The following C1QTNF3 variants were observed in gnomAD, a reference collection of about 807,000 sequenced individuals.
The protein encoded by C1QTNF3 is complement C1q tumor necrosis factor-related protein 3.
Under a neutral mutation model 32.6 loss-of-function variants are expected in C1QTNF3, and 26 were observed. That is an observed-to-expected ratio of 0.80 (90% CI 0.58 to 1.11). C1QTNF3 has a LOEUF of 1.11. C1QTNF3 is among the 50% of genes least tolerant of loss of function. The pLI, the probability that C1QTNF3 is intolerant of heterozygous loss-of-function variation, is 0.00. For synonymous variants in C1QTNF3, 155 were observed against 146.0 expected, an observed-to-expected ratio of 1.06 and a Z score of -0.44; for missense variants, 362 against 398.2, an observed-to-expected ratio of 0.91 and a Z score of 0.77.
the C1QTNF3 span, among the ~76,000 whole-genome samples, chr5:34,079,362 T>C: frequency 6.6e-6 from 1 of 151,608 alleles, no homozygotes; most frequent in Non-Finnish European, 1.5e-5. Flanking sequence ...CTGGATCATA[T>C]GGTCATTCTA....
chr5:34,029,227 T>C (rs1242788221), intron 3 of C1QTNF3, among the ~76,000 whole-genome samples: 1 of 152,196 alleles, frequency 6.6e-6, no homozygotes, highest in African/African-American at 2.4e-5. Flanking sequence ...TTCAAGGACC[T>C]GAGAAACCCT....
At chr5:34,085,368 G>GCC in the C1QTNF3 span, among the ~76,000 whole-genome samples, 6 of 150,522 alleles carry the variant, frequency 4.0e-5, no homozygotes, top group Non-Finnish European at 7.4e-5. Flanking sequence ...TCAGTTTTGT[G>GCC]CATATTGTTA....
At chr5:34,176,030 T>C in the C1QTNF3 span, 1 of 640,548 alleles carries the variant, frequency 1.6e-6, no homozygotes, top group Non-Finnish European at 2.8e-6. Flanking sequence ...AAGATCCACT[T>C]GATGGTGACC....
chr5:34,079,734 T>C, the C1QTNF3 span, among the ~76,000 whole-genome samples: 1 of 151,546 alleles, frequency 6.6e-6, no homozygotes, highest in South Asian at 2.1e-4. Context: ...TGAGTCAAAA[T>C]CATAGAAGCA....
chr5:34,106,263 G>T, the C1QTNF3 span: 1 of 151,418 alleles, frequency 6.6e-6, no homozygotes, highest in Admixed American at 6.6e-5. Flanking sequence ...GAGAGAAATT[G>T]CACTTTCATA....
At chr5:34,034,206 A>T (rs1754683242) in intron 2 of C1QTNF3, among the ~76,000 whole-genome samples, 1 of 152,234 alleles carries the variant, frequency 6.6e-6, no homozygotes. Flanking sequence ...ATAACATGAT[A>T]CTATCTTTGT....
the C1QTNF3 span, chr5:34,244,578 T>G: frequency 7.9e-5 from 12 of 152,080 alleles, no homozygotes; most frequent in African/African-American, 2.9e-4. Flanking sequence ...CCCACCAGAT[T>G]AGCTAGACAC....
At chr5:34,223,407 T>A in the C1QTNF3 span, among the ~76,000 whole-genome samples, 6 of 147,324 alleles carry the variant, frequency 4.1e-5, no homozygotes, top group African/African-American at 1.5e-4. Context: ...ATTTTCTTAA[T>A]CCAGTCTATC....
the C1QTNF3 span, among the ~76,000 whole-genome samples, chr5:34,129,262 G>A: frequency 6.6e-6 from 1 of 152,104 alleles, no homozygotes; most frequent in South Asian, 2.1e-4. Context: ...CCCAGTCTCA[G>A]GTAGTTCTTT....
At chr5:34,168,360 C>A in the C1QTNF3 span, 1 of 150,560 alleles carries the variant, frequency 6.6e-6, no homozygotes, top group Non-Finnish European at 1.5e-5. Flanking sequence ...AGTTCTGAAA[C>A]TGAATTTGCC....
the C1QTNF3 span, chr5:34,175,830 G>C: frequency 2.6e-6 from 2 of 782,166 alleles, no homozygotes; most frequent in Admixed American, 3.4e-5. Flanking sequence ...ACACTGGTTA[G>C]TCATGAAATC....
chr5:34,079,190 T>G, the C1QTNF3 span, among the ~76,000 whole-genome samples: 1 of 151,428 alleles, frequency 6.6e-6, no homozygotes, highest in Non-Finnish European at 1.5e-5. Flanking sequence ...GCTAATGGGG[T>G]CTAAAAAATT....
chr5:34,062,163 C>T, the C1QTNF3 span, among the ~76,000 whole-genome samples: 1 of 152,198 alleles, frequency 6.6e-6, no homozygotes, highest in Non-Finnish European at 1.5e-5. Flanking sequence ...TAACAATATT[C>T]ACCTTTGCTC....
chr5:34,091,752 ATTAT>A, the C1QTNF3 span, among the ~76,000 whole-genome samples: 2 of 152,050 alleles, frequency 1.3e-5, no homozygotes, highest in Non-Finnish European at 2.9e-5. Flanking sequence ...TAAGCATAGT[ATTAT>A]TTATTAATTT....
At chr5:34,243,400 T>C in the C1QTNF3 span, among the ~76,000 whole-genome samples, 1 of 152,152 alleles carries the variant, frequency 6.6e-6, no homozygotes, top group East Asian at 1.9e-4. Context: ...GGAAAGTATT[T>C]TGGAGATTTC....
At chr5:34,102,248 T>C in the C1QTNF3 span, among the ~76,000 whole-genome samples, 37 of 152,278 alleles carry the variant, frequency 2.4e-4, no homozygotes, top group Middle Eastern at 3.4e-3. Flanking sequence ...TTTCGTCTGA[T>C]TTTAGCTTAT....
At chr5:34,222,422 C>G in the C1QTNF3 span, among the ~76,000 whole-genome samples, 2 of 150,964 alleles carry the variant, frequency 1.3e-5, no homozygotes, top group African/African-American at 4.9e-5. Context: ...TGTTCTATAA[C>G]CAAGGCATAA....
chr5:34,134,749 T>C, the C1QTNF3 span, among the ~76,000 whole-genome samples: 1 of 152,194 alleles, frequency 6.6e-6, no homozygotes, highest in Non-Finnish European at 1.5e-5. Context: ...ATAGGAATGC[T>C]TGTGATTTTT....
chr5:34,227,322 T>A, the C1QTNF3 span, among the ~76,000 whole-genome samples: 1 of 151,712 alleles, frequency 6.6e-6, no homozygotes, highest in Non-Finnish European at 1.5e-5. Context: ...TACTTTTGTA[T>A]ATTTTTGTTT....
Sources: gnomAD v4.1 joint callset for allele counts (sites outside exome capture counted in the v4.1 genomes callset) on GRCh38, gnomAD v4.1.1 for gene constraint, MANE v1.5 for transcripts, NCBI Gene and HGNC (gene_info 2026-07-23, HGNC 2026-07-21) for gene names.